Variants in TSNAXIP1 observed in about 807,000 individuals in gnomAD.
TSNAXIP1 encodes the protein translin associated factor X interacting protein 1.
A neutral mutation model predicts 84.8 loss-of-function variants in TSNAXIP1; 89 were observed. The ratio of observed to expected loss-of-function variants is 1.05; its 90% CI spans 0.88 to 1.25. The LOEUF is 1.25. Ranked by LOEUF, TSNAXIP1 falls within the 50% of genes most tolerant of loss-of-function variation. TSNAXIP1 has a pLI of 0.00. For synonymous variants in TSNAXIP1, 347 were observed against 335.2 expected (o/e 1.04, Z -0.39); for missense variants, 874 against 887.6 (o/e 0.98, Z 0.20).
At position 67,823,673 on chromosome 16, in the gene TSNAXIP1, C is replaced by T. The variant is rs191744590; in HGVS notation, c.435C>T (p.Tyr145=). 2 of 1,605,324 alleles carry T rather than the reference C, an allele frequency of 1.2e-6. No homozygotes were observed. Among genetic ancestry groups the T allele is most frequent in the South Asian group, 1.1e-5 (1 of 90,680 alleles). The change falls in exon 5 of 16, where the codon TAC becomes TAT. Residue 145 remains tyrosine (Y), a synonymous_variant. Transcript: ENST00000561639. The stretch of plus-strand genomic sequence containing the variant: ...TCTTCATAGAGGACTTCAAAACGTA[C>T]AAGCCATTACTATCCTCCATCAAGA... ...FEFFIEDFKT[Y]KPLLSSIKNA...
chr16:67,818,483 C>T (rs887744650), intron 2 of TSNAXIP1, among the ~76,000 whole-genome samples: 1 of 152,098 alleles, frequency 6.6e-6, no homozygotes, highest in Non-Finnish European at 1.5e-5. Context: ...GGTCACTGCA[C>T]TCCAGCCTGG....
chr16:67,826,903 A>G lies in TSNAXIP1; in HGVS notation c.1554+59A>G, dbSNP rs1182671057. On this transcript the variant is annotated intron_variant, in intron 12 of 15. Coordinates refer to ENST00000561639, the MANE Select transcript of TSNAXIP1 (RefSeq NM_001288990.3). The stretch of plus-strand genomic sequence containing the variant: ...AGAGGGGTCTTTGTCCCTAGCATAG[A>G]CCAGCTTTGCCCCCACCACTCCCAG... 5.0e-6 allele frequency: 8 copies of G among 1,612,476 alleles called. No individual in the cohort carries two copies. In the East Asian group the frequency reaches 1.6e-4, roughly 31 times the overall value.
chr16:67,812,438 C>T (rs1383371294), intron 1 of TSNAXIP1, among the ~76,000 whole-genome samples: 5 of 152,070 alleles, frequency 3.3e-5, no homozygotes, highest in East Asian at 3.9e-4. Context: ...AAGGCTGAGG[C>T]GGGCAGATCA....
chr16:67,807,033 C>A lies in TSNAXIP1; in HGVS notation c.-117C>A. On this transcript the variant is annotated 5_prime_UTR_variant, in exon 1 of 16. Transcript: ENST00000561639. ...CGCTAGGCTCGGGGGCGTGGCGCAT[C>A]CCTGACTCCGCCCCCGCCGCGGGGG... 6.8e-7 allele frequency: 1 copy of A among 1,462,942 alleles called. No individual in the cohort carries two copies. Among genetic ancestry groups the A allele is most frequent in the South Asian group, 1.3e-5 (1 of 76,274 alleles). 90.6% of individuals were successfully genotyped at this position (1,462,942 alleles called of 1,614,324 possible).
At chr16:67,825,002 A>G (rs1360867029) in intron 6 of TSNAXIP1, 135 bp from the exon 7 acceptor site, 24 of 1,284,680 alleles carry the variant, frequency 1.9e-5, no homozygotes, top group African/African-American at 7.5e-5. Context: ...GAAATGGCCA[A>G]TCTCCTTCTT....
intron 2 of TSNAXIP1, among the ~76,000 whole-genome samples, chr16:67,818,238 A>C (rs2056757100): frequency 6.6e-6 from 1 of 151,462 alleles, no homozygotes; most frequent in African/African-American, 2.4e-5. Flanking sequence ...ATTCTGAAAA[A>C]CAAGGCTGGC....
chr16:67,807,805 C>T (rs1597958132), intron 1 of TSNAXIP1: 2 of 183,038 alleles, frequency 1.1e-5, no homozygotes, highest in East Asian at 3.1e-4. Context: ...ATCCTCACAA[C>T]AACTGTATAA....
intron 2 of TSNAXIP1, 108 bp from the exon 3 acceptor site, chr16:67,820,731 A>G (rs1439942627): frequency 7.5e-6 from 6 of 805,188 alleles, no homozygotes; most frequent in Non-Finnish European, 1.2e-5. Flanking sequence ...GCAACAGAGC[A>G]AGACTGTCTC....
At chr16:67,813,731 C>CAAA (rs373627128) in intron 1 of TSNAXIP1, among the ~76,000 whole-genome samples, 82 of 40,842 alleles carry the variant, frequency 2.0e-3, no homozygotes, top group African/African-American at 3.6e-3. Context: ...GACTCCGTCT[C>CAAA]AAAAAAAAAA....
At chr16:67,822,294 A>G (rs1109273) in intron 4 of TSNAXIP1, among the ~76,000 whole-genome samples, 1,582 of 151,734 alleles carry the variant, frequency 0.01, 13 homozygotes, top group Non-Finnish European at 0.016. Context: ...AAAAAAAAAA[A>G]AAAGAAAACG....
chr16:67,808,380 T>C (rs1015694609), intron 1 of TSNAXIP1, among the ~76,000 whole-genome samples: 2 of 151,994 alleles, frequency 1.3e-5, no homozygotes, highest in Non-Finnish European at 2.9e-5. Context: ...ATCGAGACCA[T>C]CCTGGCTAAC....
chr16:67,815,966 A>ATTTT (rs59743468), intron 2 of TSNAXIP1, among the ~76,000 whole-genome samples: 3 of 124,042 alleles, frequency 2.4e-5, no homozygotes, highest in Admixed American at 8.2e-5. Context: ...TGCCCGGCTA[A>ATTTT]TTTTTTTTTT....
At chr16:67,810,568 G>C (rs118108102) in intron 1 of TSNAXIP1, among the ~76,000 whole-genome samples, 1 of 151,742 alleles carries the variant, frequency 6.6e-6, no homozygotes, top group South Asian at 2.1e-4. Context: ...GCAGTGAGCC[G>C]AGGTCATGCT....
In TSNAXIP1 at chr16:67,821,173, A is replaced by T; in HGVS notation, c.335A>T (p.Glu112Val). ...LEELENYLRK[E>V]LLLLDLGTDS... ...GAACTGGAAAACTACCTACGCAAGG[A>T]GCTCCTCCTGCTGGACCTGGGCACA... Residue 112 changes from glutamate (E) to valine (V), a missense_variant, in exon 4 of 16, where the codon GAG becomes GTG. By Grantham distance (121) the Glu-to-Val change is moderately radical (BLOSUM62 -2). Transcript: ENST00000561639. The T allele has an allele frequency of 6.2e-7, 1 of 1,602,298 alleles. No homozygotes were observed. Among genetic ancestry groups the T allele is most frequent in the Non-Finnish European group, 8.5e-7 (1 of 1,173,318 alleles).
In TSNAXIP1 at chr16:67,824,704, G is replaced by A; in HGVS notation, c.603G>A (p.Leu201=). The change falls in exon 6 of 16, where the codon CTG becomes CTA. Residue 201 remains leucine, a synonymous_variant. Coordinates refer to ENST00000561639, the MANE Select transcript of TSNAXIP1 (RefSeq NM_001288990.3). ...MRAEEKYEIS[L]LKKEKMNLLK... Reference sequence around the variant, plus strand: ...CTGAGGAGAAATATGAAATCTCCCTGCTCAAGAAAGAGAAGATGAACTTGC... The same window carrying A: ...CTGAGGAGAAATATGAAATCTCCCTACTCAAGAAAGAGAAGATGAACTTGC... The A allele has an allele frequency of 6.2e-7, 1 of 1,614,192 alleles. No homozygotes were observed. Among genetic ancestry groups the A allele is most frequent in the Non-Finnish European group, 8.5e-7 (1 of 1,180,028 alleles).
At chr16:67,807,707 T>G (rs1232204138) in intron 1 of TSNAXIP1, 5 of 233,704 alleles carry the variant, frequency 2.1e-5, no homozygotes, top group Non-Finnish European at 4.4e-5. Context: ...GGTTTCGAAC[T>G]CCTAGACTCA....
At chr16:67,821,003 G>A in intron 3 of TSNAXIP1, 52 bp downstream of exon 3, 2 of 1,590,626 alleles carry the variant, frequency 1.3e-6, no homozygotes, top group Non-Finnish European at 1.7e-6. Flanking sequence ...CCAGGCTTTG[G>A]GCCAGGAGAC....
chr16:67,825,049 C>A, intron 6 of TSNAXIP1, 88 bp from the exon 7 acceptor site: 7 of 1,545,936 alleles, frequency 4.5e-6, no homozygotes, highest in Non-Finnish European at 6.1e-6. Context: ...TGATGGGGCC[C>A]CCCAGAACCC....
chr16:67,826,883 G>A, intron 12 of TSNAXIP1, 39 bp downstream of exon 12: 2 of 1,611,660 alleles, frequency 1.2e-6, no homozygotes, highest in Non-Finnish European at 1.7e-6. Flanking sequence ...GACTGAGAGG[G>A]GTCTTTGTCC....
Sources: allele counts gnomAD v4.1 joint callset (sites outside exome capture counted in the v4.1 genomes callset), GRCh38; gene constraint gnomAD v4.1.1; transcripts MANE v1.5; gene names NCBI Gene and HGNC (gene_info 2026-07-23, HGNC 2026-07-21).